The following CDH22 variants were observed in gnomAD, a reference collection of about 807,000 sequenced individuals.
The protein encoded by CDH22 is cadherin-22.
CDH22 carries 30 observed loss-of-function variants against 58.4 expected under a neutral mutation model. The ratio of observed to expected loss-of-function variants is 0.51; its 90% CI spans 0.38 to 0.70. The LOEUF (loss-of-function observed/expected upper bound fraction) is 0.70, where lower values mean the gene tolerates loss of function less well. CDH22 is among the 30% of genes least tolerant of loss of function. The pLI is 0.00. For synonymous variants in CDH22, 513 were observed against 558.2 expected (o/e 0.92, Z 1.14); for missense variants, 1,014 against 1,233.9 (o/e 0.82, Z 2.67).
intron 1 of CDH22, among the ~76,000 whole-genome samples, chr20:46,262,105 T>C (rs2086435711): frequency 6.6e-6 from 1 of 152,010 alleles, no homozygotes; most frequent in Non-Finnish European, 1.5e-5. Flanking sequence ...TAAATGGGTG[T>C]CTACTCTTCG....
At chr20:46,229,298 C>CT (rs1455659399) in intron 3 of CDH22, among the ~76,000 whole-genome samples, 1 of 147,532 alleles carries the variant, frequency 6.8e-6, no homozygotes, top group African/African-American at 2.5e-5. Flanking sequence ...GGCCCCCCCC[C>CT]CCAATTTTAC....
At chr20:46,286,708 C>G (rs1408604425) in intron 1 of CDH22, among the ~76,000 whole-genome samples, 1 of 152,164 alleles carries the variant, frequency 6.6e-6, no homozygotes, top group African/African-American at 2.4e-5. Flanking sequence ...TGGGTGCCAG[C>G]CTTGCCTGGT....
At chr20:46,208,120 G>T (rs554890365) in intron 7 of CDH22, among the ~76,000 whole-genome samples, 1 of 152,308 alleles carries the variant, frequency 6.6e-6, no homozygotes, top group African/African-American at 2.4e-5. Context: ...GTCAGCTCAG[G>T]GGTTACTCAT....
chr20:46,210,399 G>T lies in CDH22; in HGVS notation c.1194C>A (p.Ser398=). 1 of 1,465,462 alleles carries T rather than the reference G, an allele frequency of 6.8e-7. No homozygotes were observed. The highest frequency in any genetic ancestry group is 1.4e-5 in the South Asian group (1 of 72,752). The allele number at this position is 1,465,462 out of a possible 1,614,324, so 90.8% of individuals were successfully genotyped here. The change falls in exon 7 of 12, where the codon TCC becomes TCA. Residue 398 remains serine (S), a synonymous_variant. Transcript: ENST00000537909. This position sits in a 1 kb window ranked among gnomAD's most constrained non-coding sequence, Gnocchi z 4.5. ...CGTCCTCCTGCACCTCCAGGAGGCC[G>T]GAGGGCGGCCGGAACTCGGGGGGCT... ...VDEPPEFRPP[S]GLLEVQEDAQ...
intron 4 of CDH22, 99 bp downstream of exon 4, chr20:46,227,409 G>T: frequency 8.3e-7 from 1 of 1,198,086 alleles, no homozygotes; most frequent in Non-Finnish European, 1.2e-6. Flanking sequence ...AGAGCTTCTG[G>T]GACAGAAGGC....
At chr20:46,295,640 A>G (rs1226518555) in intron 1 of CDH22, among the ~76,000 whole-genome samples, 2 of 152,218 alleles carry the variant, frequency 1.3e-5, no homozygotes, top group Admixed American at 6.5e-5. Flanking sequence ...CCAGCTTCCA[A>G]AATCCAAGTC....
intron 10 of CDH22, among the ~76,000 whole-genome samples, chr20:46,178,943 C>T (rs906113757): frequency 6.6e-6 from 1 of 152,164 alleles, no homozygotes; most frequent in African/African-American, 2.4e-5. Context: ...TTCACATAGG[C>T]GGCCAGAGAG....
In CDH22 at chr20:46,207,670, T is replaced by G. The variant is rs1043765559; in HGVS notation, c.1286+2637A>C. 3.3e-5 allele frequency among the ~76,000 whole-genome samples: 5 copies of G among 152,316 alleles called. No homozygotes were observed. In the South Asian group the frequency reaches 1.0e-3, roughly 32 times the overall value. On this transcript the variant is annotated intron_variant, in intron 7 of 11. Transcript: ENST00000537909. ...TCCTCAGCCTGCCTCTGAGGCCCTG[T>G]TAGACTTCACTTTTGTGCCTCATCT... is the stretch of plus-strand genomic sequence containing the variant.
intron 6 of CDH22, among the ~76,000 whole-genome samples, chr20:46,211,083 A>G (rs2086039882): frequency 1.3e-5 from 2 of 152,190 alleles, no homozygotes; most frequent in Non-Finnish European, 2.9e-5. Flanking sequence ...ATGTGAGTTG[A>G]GCCCGATAAG....
intron 4 of CDH22, among the ~76,000 whole-genome samples, chr20:46,222,998 C>T (rs2086137791): frequency 6.6e-6 from 1 of 152,226 alleles, no homozygotes; most frequent in African/African-American, 2.4e-5. Flanking sequence ...GGGAATGGCA[C>T]CAGGGCAGCT....
At chr20:46,299,786 C>T (rs1453893558) in intron 1 of CDH22, among the ~76,000 whole-genome samples, 8 of 152,156 alleles carry the variant, frequency 5.3e-5, no homozygotes, top group Non-Finnish European at 1.2e-4. Context: ...GAAACTGAGG[C>T]AGAAGTTCAC....
intron 1 of CDH22, among the ~76,000 whole-genome samples, chr20:46,301,608 C>T (rs1227748749): frequency 1.3e-5 from 2 of 151,820 alleles, no homozygotes; most frequent in East Asian, 1.9e-4. Context: ...GTCAGGAGCT[C>T]GAGACCAGCC....
chr20:46,231,025 G>C (rs1005127018), intron 3 of CDH22, among the ~76,000 whole-genome samples: 2 of 152,162 alleles, frequency 1.3e-5, no homozygotes, highest in Admixed American at 6.5e-5. Flanking sequence ...ACAGGAGCAG[G>C]GGGGCAGAGG....
In CDH22 at chr20:46,179,026, G is replaced by T. The variant is rs368564014; in HGVS notation, c.1664-829C>A. Reference sequence around the variant, plus strand: ...CACCGGGGAAGCCAGGCAGGACGCAGGGGGATGGTGGCTGGCCTTGGAGCA... The same window carrying T: ...CACCGGGGAAGCCAGGCAGGACGCATGGGGATGGTGGCTGGCCTTGGAGCA... On this transcript the variant is annotated intron_variant, in intron 10 of 11. Transcript: ENST00000537909. Among the ~76,000 whole-genome samples, 13 of 152,366 alleles carry T rather than the reference G, an allele frequency of 8.5e-5. No individual in the cohort carries two copies. The East Asian group carries it at 2.5e-3, about 29-fold the overall frequency.
intron 4 of CDH22, among the ~76,000 whole-genome samples, chr20:46,218,182 C>T (rs1277743186): frequency 6.6e-6 from 1 of 152,168 alleles, no homozygotes; most frequent in Non-Finnish European, 1.5e-5. Context: ...CCTCAGCCTC[C>T]CAAAGTGCTG....
In CDH22 at chr20:46,236,391, C is replaced by A. The variant is rs113497629; in HGVS notation, c.550+4572G>T. Among the ~76,000 whole-genome samples the A allele has an allele frequency of 4.9e-3, 745 of 150,966 alleles. 5 individuals are homozygous for A. Among genetic ancestry groups the A allele is most frequent in the African/African-American group, 0.018 (718 of 41,020 alleles). ...GAAAGACAGGACTTCCCTGACCCCT[C>A]TATCTAAAATAACACTCCCCGCAAA... On this transcript the variant is annotated intron_variant, in intron 3 of 11. Transcript: ENST00000537909.
intron 7 of CDH22, among the ~76,000 whole-genome samples, chr20:46,207,720 AG>A (rs1335851492): frequency 2.6e-5 from 4 of 152,138 alleles, no homozygotes; most frequent in African/African-American, 9.7e-5. Context: ...TAGCGATCAC[AG>A]TCTGCTCTTC....
At chr20:46,273,433 G>A (rs1442596071) in intron 1 of CDH22, among the ~76,000 whole-genome samples, 2 of 152,152 alleles carry the variant, frequency 1.3e-5, no homozygotes, top group African/African-American at 4.8e-5. Context: ...CTAGTCTCCT[G>A]TTTCTAAACA....
At chr20:46,236,692 T>TAGAG (rs74174558) in intron 3 of CDH22, among the ~76,000 whole-genome samples, 98 of 144,152 alleles carry the variant, frequency 6.8e-4, no homozygotes, top group African/African-American at 1.1e-3. Flanking sequence ...TATATATACA[T>TAGAG]AGAGAGAGAG....
Sources: allele counts gnomAD v4.1 joint callset (sites outside exome capture counted in the v4.1 genomes callset), GRCh38; gene constraint gnomAD v4.1.1; non-coding constraint Gnocchi (gnomAD v3.1); transcripts MANE v1.5; gene names NCBI Gene and HGNC (gene_info 2026-07-23, HGNC 2026-07-21).